Variants in RBPJ observed in about 807,000 individuals in gnomAD.
RBPJ encodes recombination signal binding protein for immunoglobulin kappa J region, also known as recombining binding protein suppressor of hairless.
A neutral mutation model predicts 67.8 loss-of-function variants in RBPJ; 9 were observed. The ratio of observed to expected loss-of-function variants is 0.13; its 90% CI spans 0.08 to 0.23. RBPJ has a LOEUF of 0.23. Among genes scored for constraint, RBPJ ranks in the 10% least tolerant of loss-of-function variants. The pLI is 1.00. For missense variants in RBPJ, 305 were observed against 595.6 expected, an observed-to-expected ratio of 0.51 and a Z score of 5.08; for synonymous variants, 198 against 203.3, an observed-to-expected ratio of 0.97 and a Z score of 0.22.
intron 1 of RBPJ, among the ~76,000 whole-genome samples, chr4:26,260,259 T>A (rs187103449): frequency 2.0e-5 from 3 of 152,222 alleles, no homozygotes; most frequent in South Asian, 2.1e-4. Context: ...CAAATACATA[T>A]CTTGTTTCAT....
At chr4:26,265,727 G>A (rs920007257) in intron 1 of RBPJ, among the ~76,000 whole-genome samples, 1 of 151,956 alleles carries the variant, frequency 6.6e-6, no homozygotes, top group African/African-American at 2.4e-5. Context: ...GGATGGGAAG[G>A]AAACAAAAGA....
rs1736057300 is a variant in RBPJ, at chr4:26,430,044, G to A, written c.1035G>A (p.Glu345=). 2 of 1,614,068 alleles carry A rather than the reference G, an allele frequency of 1.2e-6. No individual in the cohort carries two copies. The change falls in exon 9 of 11, where the codon GAG becomes GAA. Residue 345 remains glutamate, a synonymous_variant. Transcript: ENST00000355476. This position sits in a 1 kb window ranked among gnomAD's most constrained non-coding sequence, Gnocchi z 4.1. ...LAPVTPVPVV[E]SLQLNGGGDV... ...CAGTCACTCCTGTGCCTGTGGTAGA[G>A]AGCCTTCAGGTGAGAACGCCTAGTC...
intron 1 of RBPJ, among the ~76,000 whole-genome samples, chr4:26,167,077 C>T (rs1009133128): frequency 6.6e-6 from 1 of 151,964 alleles, no homozygotes. Context: ...CGATCTATAG[C>T]TCTGTTTTGG....
chr4:26,278,990 G>A (rs925757956), intron 1 of RBPJ, among the ~76,000 whole-genome samples: 7 of 152,148 alleles, frequency 4.6e-5, no homozygotes, highest in Non-Finnish European at 1.0e-4. Context: ...TATGATCTTA[G>A]CTTTCTCTGC....
At chr4:26,260,584 G>A (rs1306149360) in intron 1 of RBPJ, among the ~76,000 whole-genome samples, 1 of 152,122 alleles carries the variant, frequency 6.6e-6, no homozygotes, top group East Asian at 1.9e-4. Context: ...TTTCAAAATG[G>A]CCAGACAACG....
At chr4:26,365,268 T>C (rs973392893) in intron 1 of RBPJ, among the ~76,000 whole-genome samples, 1 of 152,146 alleles carries the variant, frequency 6.6e-6, no homozygotes, top group Non-Finnish European at 1.5e-5. Flanking sequence ...ATGCTATTCC[T>C]AGAGTAAAAT....
intron 3 of RBPJ, among the ~76,000 whole-genome samples, chr4:26,411,260 A>T (rs1733981727): frequency 1.3e-5 from 2 of 151,594 alleles, no homozygotes; most frequent in South Asian, 2.1e-4. Context: ...TTAAAATTAA[A>T]TAAATAAATA....
At chr4:26,196,996 A>G (rs1442808429) in intron 1 of RBPJ, among the ~76,000 whole-genome samples, 1 of 152,218 alleles carries the variant, frequency 6.6e-6, no homozygotes, top group African/African-American at 2.4e-5. Context: ...ACTTGAATGT[A>G]TTTCTCTTAT....
At chr4:26,259,431 G>A (rs1720455481) in intron 1 of RBPJ, among the ~76,000 whole-genome samples, 1 of 152,156 alleles carries the variant, frequency 6.6e-6, no homozygotes, top group Admixed American at 6.5e-5. Context: ...TGATTAGTCT[G>A]CTTTTACTTT....
At chr4:26,145,742 T>C in the RBPJ span, among the ~76,000 whole-genome samples, 1 of 152,196 alleles carries the variant, frequency 6.6e-6, no homozygotes, top group Non-Finnish European at 1.5e-5. Flanking sequence ...TAATAAATGA[T>C]GCTGGGATCT....
At chr4:26,389,653 G>A (rs1731298465) in intron 2 of RBPJ, among the ~76,000 whole-genome samples, 1 of 151,048 alleles carries the variant, frequency 6.6e-6, no homozygotes, top group Non-Finnish European at 1.5e-5. Context: ...ATGTTTGAAG[G>A]ATAATAAGTG....
intron 1 of RBPJ, among the ~76,000 whole-genome samples, chr4:26,246,737 C>A (rs1333327305): frequency 6.6e-6 from 1 of 152,142 alleles, no homozygotes; most frequent in East Asian, 1.9e-4. Context: ...TTGCACAGTT[C>A]TCTCTCTATA....
At chr4:26,379,861 C>A (rs1221094089) in intron 1 of RBPJ, among the ~76,000 whole-genome samples, 1 of 152,078 alleles carries the variant, frequency 6.6e-6, no homozygotes, top group African/African-American at 2.4e-5. Context: ...CAGGTGTGAG[C>A]CATAGTGCCT....
intron 1 of RBPJ, among the ~76,000 whole-genome samples, chr4:26,307,809 G>GT (rs1279014863): frequency 6.6e-6 from 1 of 152,162 alleles, no homozygotes; most frequent in African/African-American, 2.4e-5. Flanking sequence ...CTTGAGAAAT[G>GT]TTTTTATCCA....
chr4:26,364,813 G>A (rs995221718), intron 1 of RBPJ, among the ~76,000 whole-genome samples: 1 of 151,518 alleles, frequency 6.6e-6, no homozygotes, highest in African/African-American at 2.4e-5. Context: ...TTTTAGTAGA[G>A]ACGGGGTTTC....
At chr4:26,241,836 A>C (rs538147072) in intron 1 of RBPJ, among the ~76,000 whole-genome samples, 1 of 152,104 alleles carries the variant, frequency 6.6e-6, no homozygotes, top group Non-Finnish European at 1.5e-5. Context: ...TAATAGTATG[A>C]TCATTAAACT....
intron 1 of RBPJ, among the ~76,000 whole-genome samples, chr4:26,325,210 T>A (rs577876503): frequency 6.6e-6 from 1 of 152,348 alleles, no homozygotes; most frequent in Admixed American, 6.5e-5. Flanking sequence ...TGAATTTGTT[T>A]CCCTTATCCT....
intron 1 of RBPJ, among the ~76,000 whole-genome samples, chr4:26,342,389 T>C (rs1006474364): frequency 3.3e-5 from 5 of 152,194 alleles, no homozygotes; most frequent in Middle Eastern, 3.2e-3. Context: ...TTAACCAAGT[T>C]TACCTGCTAG....
chr4:26,235,696 C>A (rs1719431597), intron 1 of RBPJ, among the ~76,000 whole-genome samples: 1 of 152,220 alleles, frequency 6.6e-6, no homozygotes, highest in Non-Finnish European at 1.5e-5. Context: ...GGGCACCCAG[C>A]CAGGCTTGCC....
Sources: allele counts gnomAD v4.1 joint callset (sites outside exome capture counted in the v4.1 genomes callset), GRCh38; gene constraint gnomAD v4.1.1; non-coding constraint Gnocchi (gnomAD v3.1); transcripts MANE v1.5; gene names NCBI Gene and HGNC (gene_info 2026-07-23, HGNC 2026-07-21).